The following CNTN5 variants were observed in gnomAD, a reference collection of about 807,000 sequenced individuals.
The protein encoded by CNTN5 is contactin-5.
In CNTN5, 77 loss-of-function variants were observed where a neutral mutation model predicts 129.1. That is an observed-to-expected ratio of 0.60 (90% CI 0.50 to 0.72). The LOEUF is 0.72. CNTN5 is among the 30% of genes least tolerant of loss of function. The pLI, the probability that CNTN5 is intolerant of heterozygous loss-of-function variation, is 0.00. For synonymous variants in CNTN5, 509 were observed against 465.6 expected (o/e 1.09, Z -1.20); for missense variants, 1,478 against 1,328.8 (o/e 1.11, Z -1.75).
intron 1 of CNTN5, among the ~76,000 whole-genome samples, chr11:99,045,965 C>T (rs1358527581): frequency 6.6e-6 from 1 of 152,096 alleles, no homozygotes; most frequent in Non-Finnish European, 1.5e-5. Flanking sequence ...TCCAGGATAG[C>T]CTACAGCCAG....
chr11:99,021,178 A>AC lies in CNTN5; in HGVS notation c.-300dup, dbSNP rs1862855964. On this transcript the variant is annotated 5_prime_UTR_variant, in exon 1 of 25. An upstream open reading frame in the 5' UTR gains an earlier in-frame stop. Coordinates refer to ENST00000524871, the MANE Select transcript of CNTN5 (RefSeq NM_014361.4). ...CCACAGGCTGCAAAGGACCCGAGGAACCGCTCTCTCTGAACTGTGCTGATG... is the reference window on the plus strand; with the variant it reads ...CCACAGGCTGCAAAGGACCCGAGGAACCCGCTCTCTCTGAACTGTGCTGATG... 1 of 152,396 alleles carries AC rather than the reference A, an allele frequency of 6.6e-6. No individual in the cohort carries two copies. 9.4% of individuals were successfully genotyped at this position (152,396 alleles called of 1,614,324 possible).
chr11:99,375,260 G>A (rs1407240590), intron 2 of CNTN5, among the ~76,000 whole-genome samples: 2 of 125,680 alleles, frequency 1.6e-5, no homozygotes, highest in East Asian at 2.7e-4. Flanking sequence ...TGTAGATCAC[G>A]CCACAGCACT....
At chr11:99,242,482 T>C (rs1015446451) in intron 1 of CNTN5, among the ~76,000 whole-genome samples, 2 of 152,108 alleles carry the variant, frequency 1.3e-5, no homozygotes, top group Admixed American at 6.6e-5. Context: ...CAAACTTTTT[T>C]TTTCTTTCAA....
chr11:100,114,095 G>A lies in CNTN5; in HGVS notation c.1580+39801G>A, dbSNP rs183065098. Among the ~76,000 whole-genome samples the A allele has an allele frequency of 9.2e-5, 14 of 152,074 alleles. No individual in the cohort carries two copies. In the East Asian group the frequency reaches 1.7e-3, roughly 19 times the overall value. ...GGTTGGAGCATAGGTAAAAGTATTC[G>A]AACTTTGGGCGTGCATCCAAGATTT... On this transcript the variant is annotated intron_variant, in intron 13 of 24. Coordinates refer to ENST00000524871, the MANE Select transcript of CNTN5 (RefSeq NM_014361.4).
intron 13 of CNTN5, among the ~76,000 whole-genome samples, chr11:100,124,372 C>T (rs1284375390): frequency 6.6e-6 from 1 of 151,822 alleles, no homozygotes; most frequent in Non-Finnish European, 1.5e-5. Flanking sequence ...ATAAACTATA[C>T]ATAAGGGCAA....
chr11:99,779,260 A>G (rs1283869504), intron 3 of CNTN5, among the ~76,000 whole-genome samples: 2 of 151,920 alleles, frequency 1.3e-5, no homozygotes, highest in African/African-American at 4.8e-5. Context: ...GAAATAAAAT[A>G]ATTAAATGTA....
intron 1 of CNTN5, among the ~76,000 whole-genome samples, chr11:99,165,951 C>T (rs77130831): frequency 0.086 from 13,108 of 152,130 alleles, 618 homozygotes; most frequent in African/African-American, 0.11. Context: ...CAGCATAATC[C>T]ACCTTTAAAT....
intron 3 of CNTN5, among the ~76,000 whole-genome samples, chr11:99,623,177 C>T (rs546365155): frequency 7.9e-5 from 12 of 151,990 alleles, no homozygotes; most frequent in East Asian, 1.9e-4. Context: ...ACCTATTTAC[C>T]GCTTAAAATT....
chr11:100,101,217 G>A (rs762785603), intron 13 of CNTN5, among the ~76,000 whole-genome samples: 26 of 152,088 alleles, frequency 1.7e-4, no homozygotes, highest in Non-Finnish European at 7.4e-5. Flanking sequence ...TGGCATGTTG[G>A]TATATATGAG....
At chr11:99,274,663 T>A (rs2135868030) in intron 1 of CNTN5, among the ~76,000 whole-genome samples, 1 of 151,686 alleles carries the variant, frequency 6.6e-6, no homozygotes, top group Non-Finnish European at 1.5e-5. Context: ...TGAATACCTC[T>A]ACTATATATA....
At chr11:99,055,004 A>C (rs76883284) in intron 1 of CNTN5, among the ~76,000 whole-genome samples, 9 of 151,906 alleles carry the variant, frequency 5.9e-5, no homozygotes, top group African/African-American at 2.2e-4. Context: ...TAGAACTTTA[A>C]ATCGTAATTA....
At chr11:99,397,848 A>T (rs1402859203) in intron 2 of CNTN5, among the ~76,000 whole-genome samples, 1 of 151,904 alleles carries the variant, frequency 6.6e-6, no homozygotes, top group Non-Finnish European at 1.5e-5. Context: ...AGATCTGGGC[A>T]TGAAGTTTGC....
chr11:100,234,792 T>TTA (rs1555046110), intron 16 of CNTN5, among the ~76,000 whole-genome samples: 6 of 102,082 alleles, frequency 5.9e-5, no homozygotes, highest in Non-Finnish European at 9.7e-5. Context: ...TCCCAGAATT[T>TTA]AAAAAAAAAA....
intron 1 of CNTN5, among the ~76,000 whole-genome samples, chr11:99,179,475 AAAAC>A (rs1019682174): frequency 2.7e-4 from 41 of 152,216 alleles, no homozygotes; most frequent in African/African-American, 9.9e-4. Context: ...AAAATAAACA[AAAAC>A]AAACATAAAA....
chr11:100,287,113 G>A (rs1349884597), intron 18 of CNTN5, among the ~76,000 whole-genome samples: 13 of 152,206 alleles, frequency 8.5e-5, no homozygotes, highest in Non-Finnish European at 1.6e-4. Flanking sequence ...TATGTGAAAA[G>A]ACCAAATCTA....
chr11:99,664,789 T>C (rs1952723292), intron 3 of CNTN5, among the ~76,000 whole-genome samples: 2 of 152,096 alleles, frequency 1.3e-5, no homozygotes, highest in South Asian at 4.1e-4. Flanking sequence ...TGAAGAAATA[T>C]TTATTACTAC....
At chr11:99,713,449 GA>G (rs1955086632) in intron 3 of CNTN5, among the ~76,000 whole-genome samples, 1 of 151,892 alleles carries the variant, frequency 6.6e-6, no homozygotes, top group Non-Finnish European at 1.5e-5. Context: ...CAAACAGAGA[GA>G]ATTTGACTTC....
intron 8 of CNTN5, among the ~76,000 whole-genome samples, chr11:99,961,283 G>C (rs1292915972): frequency 6.6e-6 from 1 of 151,698 alleles, no homozygotes; most frequent in Non-Finnish European, 1.5e-5. Flanking sequence ...TAAGAAGTGG[G>C]CATGTAGTTA....
intron 15 of CNTN5, among the ~76,000 whole-genome samples, chr11:100,201,973 C>T (rs1468087852): frequency 6.6e-6 from 1 of 151,980 alleles, no homozygotes; most frequent in Admixed American, 6.6e-5. Context: ...CTGGCCTCAG[C>T]TCCAGAATTA....
Sources: allele counts gnomAD v4.1 joint callset (sites outside exome capture counted in the v4.1 genomes callset), GRCh38; gene constraint gnomAD v4.1.1; transcripts MANE v1.5; gene names NCBI Gene and HGNC (gene_info 2026-07-23, HGNC 2026-07-21).